Variants in MYO1F observed in about 807,000 individuals in gnomAD.
MYO1F encodes the protein unconventional myosin-If.
MYO1F carries 60 observed loss-of-function variants against 146.6 expected under a neutral mutation model. The observed-to-expected ratio is 0.41, with a 90% CI of 0.33 to 0.51. The LOEUF is 0.51. Ranked by LOEUF, MYO1F falls within the 20% of genes least tolerant of loss-of-function variation. The pLI is 0.25. For synonymous variants in MYO1F, 602 were observed against 602.1 expected (o/e 1.00, Z 0.00); for missense variants, 1,274 against 1,534.3 (o/e 0.83, Z 2.83).
intron 27 of MYO1F, 53 bp from the exon 28 acceptor site, chr19:8,521,657 C>T (rs541384191): frequency 5.2e-6 from 8 of 1,540,604 alleles, no homozygotes; most frequent in Non-Finnish European, 6.3e-6. Flanking sequence ...GGAGAAAGCT[C>T]TCATGCCTGG....
intron 1 of MYO1F, among the ~76,000 whole-genome samples, chr19:8,562,721 A>T (rs1178430175): frequency 2.7e-5 from 4 of 149,952 alleles, no homozygotes; most frequent in Non-Finnish European, 4.4e-5. Flanking sequence ...TTTTTTACAG[A>T]TGGGGTCTCC....
rs760147193 is a variant in MYO1F, at chr19:8,525,503, G to A, written c.2830C>T (p.Arg944Trp). 5 of 1,613,374 alleles carry A rather than the reference G, an allele frequency of 3.1e-6. No homozygotes were observed. The highest frequency in any genetic ancestry group is 2.7e-5 in the African/African-American group (2 of 74,930). ...KPRRSSQAPT[R>W]AAPAPPRGMD... ...CCTCTGGGGGGCGCAGGGGCCGCCC[G>A]GGTAGGGGCTTGGGACGACCTCCGA... Residue 944 changes from arginine (R) to tryptophan (W), a missense_variant, in exon 25 of 28, where the codon CGG becomes TGG. Physicochemically the swap from Arg to Trp is moderately radical, Grantham distance 101. Transcript: ENST00000644032.
chr19:8,571,821 T>C (rs2042115385), intron 1 of MYO1F, among the ~76,000 whole-genome samples: 1 of 151,942 alleles, frequency 6.6e-6, no homozygotes, highest in Non-Finnish European at 1.5e-5. Context: ...ATGGTCTCGA[T>C]CTCCTGACCT....
rs746912834 is a variant in MYO1F at position 8,530,486 on chromosome 19, G to A, written c.2131C>T (p.Arg711Trp). ...QKAWRRHVAV[R>W]KYEEMREEAS... is the part of the protein sequence containing the mutation. ...TCCTCCCGCATCTCCTCGTACTTCC[G>A]GACAGCCACGTGGCGCCGCCAGGCC... is the stretch of plus-strand genomic sequence containing the variant. Residue 711 changes from arginine (R) to tryptophan (W), a missense_variant, in exon 20 of 28, where the codon CGG becomes TGG. Arg to Trp is a moderately radical substitution (Grantham distance 101, BLOSUM62 -3). Around this residue, in one of 2 missense-constraint regions of MYO1F, gnomAD observed 900 missense variants for 1,155.1 expected, o/e 0.78. Coordinates refer to ENST00000644032, the MANE Select transcript of MYO1F (RefSeq NM_012335.4). The surrounding 1 kb of genome is among the most constrained non-coding windows in gnomAD (Gnocchi z 5.8). 3 of 1,613,662 alleles carry A rather than the reference G, an allele frequency of 1.9e-6. No homozygotes were observed. The highest frequency in any genetic ancestry group is 1.1e-5 in the South Asian group (1 of 91,084).
At chr19:8,568,650 G>A (rs10416039) in intron 1 of MYO1F, among the ~76,000 whole-genome samples, 4,923 of 152,050 alleles carry the variant, frequency 0.032, 269 homozygotes, top group African/African-American at 0.11. Flanking sequence ...GGCCGCGCAT[G>A]GTGGCTCACG....
At chr19:8,552,692 A>G (rs377212823) in intron 6 of MYO1F, among the ~76,000 whole-genome samples, 3 of 151,358 alleles carry the variant, frequency 2.0e-5, no homozygotes, top group African/African-American at 7.4e-5. Flanking sequence ...AGTTGCATAG[A>G]TTTTTTTCCC....
intron 19 of MYO1F, among the ~76,000 whole-genome samples, chr19:8,532,718 T>C (rs1199058810): frequency 6.6e-6 from 1 of 151,902 alleles, no homozygotes; most frequent in African/African-American, 2.4e-5. Context: ...AGACCCCGTC[T>C]CTACAAAAAC....
chr19:8,568,241 G>A (rs945282283), intron 1 of MYO1F, among the ~76,000 whole-genome samples: 15 of 151,910 alleles, frequency 9.9e-5, no homozygotes, highest in Admixed American at 4.6e-4. Flanking sequence ...GGCTAACACG[G>A]TGAAACCCCG....
intron 1 of MYO1F, among the ~76,000 whole-genome samples, chr19:8,561,691 T>C (rs1974138980): frequency 6.7e-6 from 1 of 150,312 alleles, no homozygotes; most frequent in Non-Finnish European, 1.5e-5. Context: ...TCCCTTTTCC[T>C]TCCTTCCTTC....
intron 1 of MYO1F, among the ~76,000 whole-genome samples, chr19:8,563,069 G>A (rs2041934827): frequency 6.6e-6 from 1 of 151,884 alleles, no homozygotes; most frequent in Admixed American, 6.6e-5. Context: ...GCAGCTCACT[G>A]TAACCTCTGC....
chr19:8,551,710 C>G, intron 8 of MYO1F, 30 bp downstream of exon 8: 1 of 1,614,074 alleles, frequency 6.2e-7, no homozygotes, highest in African/African-American at 1.3e-5. Flanking sequence ...GTCTGCCTGG[C>G]CGGGGACTGG....
chr19:8,521,597 C>G lies in MYO1F; in HGVS notation c.3228G>C (p.Ser1076=). Residue 1076 remains serine, a synonymous_variant, in exon 28 of 28, where the codon TCG becomes TCC. Transcript: ENST00000644032. The stretch of plus-strand genomic sequence containing the variant: ...CGTGAAGCCGGCCCTTCCACCAGCC[C>G]GAGGGATCTGTGGGAGAGAGGAAAG... The part of the protein sequence containing the change: ...EVIEILMEDP[S]GWWKGRLHGQ... 3 of 1,614,030 alleles carry G rather than the reference C, an allele frequency of 1.9e-6. No homozygotes were observed. In the South Asian group the frequency reaches 3.3e-5, roughly 18 times the overall value.
chr19:8,554,619 TG>T, intron 3 of MYO1F, 34 bp downstream of exon 3: 1 of 1,612,186 alleles, frequency 6.2e-7, no homozygotes, highest in Non-Finnish European at 8.5e-7. Flanking sequence ...GCCAGGAGTC[TG>T]GGGGCTGTGC....
chr19:8,575,040 G>A (rs548988996), intron 1 of MYO1F, among the ~76,000 whole-genome samples: 1 of 150,956 alleles, frequency 6.6e-6, no homozygotes, highest in Admixed American at 6.6e-5. Flanking sequence ...ACAGGCATGA[G>A]CCACTGCACC....
intron 21 of MYO1F, among the ~76,000 whole-genome samples, chr19:8,528,838 G>C (rs2967590): frequency 0.14 from 20,610 of 152,006 alleles, 1,501 homozygotes; most frequent in African/African-American, 0.17. Context: ...GGAAGTGAGC[G>C]GGTGTGTATC....
At chr19:8,572,194 C>A (rs1366009896) in intron 1 of MYO1F, among the ~76,000 whole-genome samples, 3 of 152,164 alleles carry the variant, frequency 2.0e-5, no homozygotes, top group African/African-American at 7.2e-5. Context: ...ATGTGGTCCC[C>A]AACCCCCAAG....
At chr19:8,571,359 G>T (rs539229901) in intron 1 of MYO1F, among the ~76,000 whole-genome samples, 2 of 151,992 alleles carry the variant, frequency 1.3e-5, no homozygotes, top group African/African-American at 4.8e-5. Flanking sequence ...ACCTCCAAAG[G>T]CTCCATCCCT....
chr19:8,559,649 C>T (rs905681260), intron 1 of MYO1F, among the ~76,000 whole-genome samples: 19 of 151,934 alleles, frequency 1.3e-4, no homozygotes, highest in Non-Finnish European at 2.5e-4. Flanking sequence ...GGCTGAGGGG[C>T]ATTTGAAAGA....
chr19:8,537,289 G>A (rs1383115937), intron 16 of MYO1F, among the ~76,000 whole-genome samples: 2 of 152,084 alleles, frequency 1.3e-5, no homozygotes, highest in Non-Finnish European at 2.9e-5. Flanking sequence ...CCAAGACAAG[G>A]AGCTCTCACG....
Sources: gnomAD v4.1 joint callset for allele counts (sites outside exome capture counted in the v4.1 genomes callset) on GRCh38, gnomAD v4.1.1 for gene constraint, gnomAD v4.1.1 regional missense constraint, Gnocchi (gnomAD v3.1) non-coding constraint, MANE v1.5 for transcripts, NCBI Gene and HGNC (gene_info 2026-07-23, HGNC 2026-07-21) for gene names.